The following MICAL2 variants were observed in gnomAD, a reference collection of about 807,000 sequenced individuals.
MICAL2 encodes microtubule associated monooxygenase, calponin and LIM domain containing 2, also known as [F-actin]-monooxygenase MICAL2.
A neutral mutation model predicts 127.3 loss-of-function variants in MICAL2; 77 were observed. The ratio of observed to expected loss-of-function variants is 0.60; its 90% CI spans 0.50 to 0.73. The LOEUF (loss-of-function observed/expected upper bound fraction) is 0.73, where lower values mean the gene tolerates loss of function less well. MICAL2 is among the 30% of genes least tolerant of loss of function. The pLI is 0.00. For synonymous variants in MICAL2, 570 were observed against 551.1 expected (o/e 1.03, Z -0.48); for missense variants, 1,351 against 1,434.4 (o/e 0.94, Z 0.94).
At chr11:12,285,860 C>T (rs537411526) in intron 2 of MICAL2, among the ~76,000 whole-genome samples, 2 of 152,294 alleles carry the variant, frequency 1.3e-5, no homozygotes, top group South Asian at 2.1e-4. Flanking sequence ...ACCCTCCCTG[C>T]GTCCATCTCC....
intron 2 of MICAL2, among the ~76,000 whole-genome samples, chr11:12,154,343 C>A (rs972240341): frequency 1.3e-5 from 2 of 151,878 alleles, no homozygotes; most frequent in African/African-American, 4.8e-5. Context: ...GCTTGTTAGG[C>A]CTGGAGAAGA....
chr11:12,163,287 A>G (rs1188616331), intron 3 of MICAL2, among the ~76,000 whole-genome samples: 1 of 152,198 alleles, frequency 6.6e-6, no homozygotes, highest in East Asian at 1.9e-4. Flanking sequence ...GTTGGGGACT[A>G]CCAGCCCTGA....
Position 12,143,993 on chromosome 11 carries a change from G to A in MICAL2, c.-78+5533G>A, listed in dbSNP as rs546059458. Among the ~76,000 whole-genome samples, 10 of 152,198 alleles carry A rather than the reference G, an allele frequency of 6.6e-5. No individual in the cohort carries two copies. The South Asian group carries it at 2.1e-3, about 32-fold the overall frequency. ...GAACTCTTGTCTCCTGGGCGTGGTT[G>A]TTCCTGCACACCCCCACTTTAATGA... On this transcript the variant is annotated intron_variant, in intron 2 of 27. Coordinates refer to ENST00000683283, the MANE Select transcript of MICAL2 (RefSeq NM_001282663.2).
intron 2 of MICAL2, among the ~76,000 whole-genome samples, chr11:12,281,325 G>A (rs1278638619): frequency 6.6e-6 from 1 of 152,240 alleles, no homozygotes; most frequent in Non-Finnish European, 1.5e-5. Flanking sequence ...CAGTGGGGAA[G>A]ACATCACGGG....
chr11:12,333,712 T>C (rs1485269346), intron 32 of MICAL2, among the ~76,000 whole-genome samples: 2 of 152,160 alleles, frequency 1.3e-5, no homozygotes, highest in African/African-American at 4.8e-5. Flanking sequence ...AAAAATTAAT[T>C]GCATTTCAAT....
At chr11:12,206,209 G>T (rs191225319) in intron 4 of MICAL2, among the ~76,000 whole-genome samples, 1 of 152,132 alleles carries the variant, frequency 6.6e-6, no homozygotes, top group Admixed American at 6.5e-5. Context: ...AAGTTCTCTT[G>T]GGGGGCAGAA....
At chr11:12,194,228 A>G (rs887155888) in intron 3 of MICAL2, among the ~76,000 whole-genome samples, 11 of 152,190 alleles carry the variant, frequency 7.2e-5, no homozygotes, top group African/African-American at 2.7e-4. Context: ...TGTCATCTCT[A>G]TGGTGCAATG....
chr11:12,329,710 T>G (rs1864392802), intron 32 of MICAL2, among the ~76,000 whole-genome samples: 1 of 152,148 alleles, frequency 6.6e-6, no homozygotes, highest in Non-Finnish European at 1.5e-5. Context: ...AGGCATTTAG[T>G]AAACACTACT....
At chr11:12,172,801 A>C (rs992627181) in intron 3 of MICAL2, among the ~76,000 whole-genome samples, 13 of 151,748 alleles carry the variant, frequency 8.6e-5, no homozygotes, top group African/African-American at 3.1e-4. Context: ...CCCCCTGCTA[A>C]TGGTGCAAAC....
chr11:12,222,578 A>G, intron 10 of MICAL2, 39 bp from the exon 11 acceptor site: 1 of 1,613,580 alleles, frequency 6.2e-7, no homozygotes, highest in Non-Finnish European at 8.5e-7. Flanking sequence ...CTGAGGTGGC[A>G]AAAGTGATCC....
chr11:12,222,401 C>T (rs1856925908), intron 10 of MICAL2, among the ~76,000 whole-genome samples: 1 of 152,196 alleles, frequency 6.6e-6, no homozygotes, highest in African/African-American at 2.4e-5. Flanking sequence ...AGCCCAGCAT[C>T]CCCGTCACCC....
chr11:12,244,502 A>T (rs1860428590), intron 21 of MICAL2, among the ~76,000 whole-genome samples: 1 of 152,218 alleles, frequency 6.6e-6, no homozygotes, highest in Admixed American at 6.5e-5. Flanking sequence ...TACTGCTGAT[A>T]TTTGCCTGTT....
chr11:12,230,875 C>G (rs1858165271), intron 15 of MICAL2, among the ~76,000 whole-genome samples: 1 of 152,186 alleles, frequency 6.6e-6, no homozygotes, highest in South Asian at 2.1e-4. Flanking sequence ...TTGATTAGTT[C>G]TGAAAACTGG....
intron 2 of MICAL2, among the ~76,000 whole-genome samples, chr11:12,146,704 A>T (rs1017693689): frequency 6.6e-6 from 1 of 152,220 alleles, no homozygotes; most frequent in Non-Finnish European, 1.5e-5. Flanking sequence ...CAGCCATCCT[A>T]TTGCTGGGTA....
chr11:12,112,652 C>T (rs567970041), intron 1 of MICAL2, among the ~76,000 whole-genome samples: 7 of 152,036 alleles, frequency 4.6e-5, no homozygotes, highest in Non-Finnish European at 1.0e-4. Context: ...TTATCTCCAG[C>T]CCCTTCTTCC....
chr11:12,224,540 C>G (rs1418023529), intron 12 of MICAL2, 133 bp from the exon 13 acceptor site: 1 of 1,192,462 alleles, frequency 8.4e-7, no homozygotes, highest in Non-Finnish European at 1.2e-6. Context: ...GTGCCAGTGG[C>G]CCCCTGCCCT....
rs1271512052 is a variant in MICAL2 at position 12,220,277 on chromosome 11, C to A, written c.1025C>A (p.Ala342Asp). The A allele has an allele frequency of 6.2e-7, 1 of 1,614,210 alleles. No individual in the cohort carries two copies. Among genetic ancestry groups the A allele is most frequent in the South Asian group, 1.1e-5 (1 of 91,086 alleles). Reference protein sequence around the residue: ...QDNLLSYAREAADFATNYQLP... With the variant: ...QDNLLSYAREDADFATNYQLP... The stretch of plus-strand genomic sequence containing the variant: ...AACCTGCTATCCTATGCCCGGGAAG[C>A]TGCAGACTTTGCCACCAACTACCAG... The change falls in exon 9 of 28, where the codon GCT (alanine) becomes GAT (aspartate). Residue 342 changes from alanine to aspartate, a missense_variant. By Grantham distance (126) the Ala-to-Asp change is moderately radical. This residue lies in a region of MICAL2 where 599 missense variants were observed against 714.9 expected (regional missense o/e 0.84). Transcript: ENST00000683283.
intron 15 of MICAL2, among the ~76,000 whole-genome samples, chr11:12,234,385 C>T (rs183313294): frequency 6.6e-6 from 1 of 152,222 alleles, no homozygotes. Flanking sequence ...TCACAGGCCC[C>T]AGGTTTGGGC....
intron 1 of MICAL2, among the ~76,000 whole-genome samples, chr11:12,133,480 G>C (rs1458839489): frequency 6.6e-6 from 1 of 152,200 alleles, no homozygotes; most frequent in East Asian, 1.9e-4. Context: ...TGGGATACGG[G>C]AGTAGATCAT....
Sources: gnomAD v4.1 joint callset for allele counts (sites outside exome capture counted in the v4.1 genomes callset) on GRCh38, gnomAD v4.1.1 for gene constraint, gnomAD v4.1.1 regional missense constraint, MANE v1.5 for transcripts, NCBI Gene and HGNC (gene_info 2026-07-23, HGNC 2026-07-21) for gene names.